The following HOMER1 variants were observed in gnomAD, a reference collection of about 807,000 sequenced individuals.
HOMER1 encodes the protein homer protein homolog 1.
Under a neutral mutation model 48.9 loss-of-function variants are expected in HOMER1, and 3 were observed. The ratio of observed to expected loss-of-function variants is 0.06; its 90% CI spans 0.03 to 0.16. The LOEUF is 0.16. Ranked by LOEUF, HOMER1 falls within the 10% of genes least tolerant of loss-of-function variation. HOMER1 has a pLI of 1.00. For synonymous variants in HOMER1, 134 were observed against 146.4 expected, an observed-to-expected ratio of 0.92 and a Z score of 0.61; for missense variants, 247 against 411.4, an observed-to-expected ratio of 0.60 and a Z score of 3.46.
At position 79,428,518 on chromosome 5, in the gene HOMER1, T is replaced by C. The variant is rs76666065; in HGVS notation, c.527+10492A>G. ...GTAAACTATCTTTATTTACAGATGATATAATTTTATATATAGAAAATCCTA... is the reference window on the plus strand; with the variant it reads ...GTAAACTATCTTTATTTACAGATGACATAATTTTATATATAGAAAATCCTA... On this transcript the variant is annotated intron_variant, in intron 5 of 8. Coordinates refer to ENST00000334082, the MANE Select transcript of HOMER1 (RefSeq NM_004272.5). Among the ~76,000 whole-genome samples, 544 of 152,206 alleles carry C rather than the reference T, an allele frequency of 3.6e-3. 1 individual carries two copies. The highest frequency in any genetic ancestry group is 0.02 in the Middle Eastern group (6 of 294).
intron 1 of HOMER1, among the ~76,000 whole-genome samples, chr5:79,481,201 C>G (rs903728997): frequency 2.0e-5 from 3 of 152,148 alleles, no homozygotes; most frequent in Non-Finnish European, 4.4e-5. Flanking sequence ...CCTCACGACA[C>G]GTGTCACAAT....
chr5:79,380,529 A>G (rs1748941360), intron 8 of HOMER1, among the ~76,000 whole-genome samples: 1 of 152,156 alleles, frequency 6.6e-6, no homozygotes, highest in Non-Finnish European at 1.5e-5. Context: ...CATTTCCCAC[A>G]CATCAGCCAA....
intron 5 of HOMER1, among the ~76,000 whole-genome samples, chr5:79,436,141 T>TAAATAAATAA (rs1309260403): frequency 2.1e-5 from 3 of 142,848 alleles, no homozygotes; most frequent in African/African-American, 7.7e-5. Context: ...TCAAAAAAAA[T>TAAATAAATAA]AAATAAATAA....
chr5:79,479,945 C>T (rs1387792435), intron 1 of HOMER1, among the ~76,000 whole-genome samples: 1 of 152,108 alleles, frequency 6.6e-6, no homozygotes, highest in Non-Finnish European at 1.5e-5. Flanking sequence ...TGGGTATCTT[C>T]GACTGCACTG....
At chr5:79,434,056 A>G (rs1750502658) in intron 5 of HOMER1, among the ~76,000 whole-genome samples, 1 of 152,176 alleles carries the variant, frequency 6.6e-6, no homozygotes, top group African/African-American at 2.4e-5. Context: ...CCAGTGTTTA[A>G]AAGAGCCCAT....
chr5:79,379,064 T>A (rs1488801573), intron 8 of HOMER1, among the ~76,000 whole-genome samples: 3 of 93,298 alleles, frequency 3.2e-5, no homozygotes, highest in African/African-American at 1.3e-4. Flanking sequence ...ACTTCTTAGG[T>A]GTCTACCTTT....
chr5:79,401,421 G>T (rs185417047), intron 6 of HOMER1, among the ~76,000 whole-genome samples: 46 of 152,256 alleles, frequency 3.0e-4, no homozygotes, highest in African/African-American at 1.0e-3. Context: ...ATAACCGGCA[G>T]AACTGGAATT....
chr5:79,467,560 T>C (rs1751506086), intron 1 of HOMER1, among the ~76,000 whole-genome samples: 1 of 152,130 alleles, frequency 6.6e-6, no homozygotes, highest in Admixed American at 6.5e-5. Context: ...AATATTCTAA[T>C]AAGTAAACTC....
At chr5:79,466,520 T>TAATA (rs1430751904) in intron 1 of HOMER1, among the ~76,000 whole-genome samples, 2 of 151,084 alleles carry the variant, frequency 1.3e-5, no homozygotes, top group African/African-American at 2.4e-5. Context: ...ATAATAATAA[T>TAATA]AATAAATAAA....
Position 79,500,518 on chromosome 5 carries a change from C to G in HOMER1, c.5+12252G>C, listed in dbSNP as rs1001271484. Reference sequence around the variant, plus strand: ...CTTTTAATGCAGATGCTTCTGTCACCACAGACGGCAAAACCAATCCCTCCT... The same window carrying G: ...CTTTTAATGCAGATGCTTCTGTCACGACAGACGGCAAAACCAATCCCTCCT... On this transcript the variant is annotated intron_variant, in intron 1 of 8. Coordinates refer to ENST00000334082, the MANE Select transcript of HOMER1 (RefSeq NM_004272.5). 6.6e-5 allele frequency among the ~76,000 whole-genome samples: 10 copies of G among 152,302 alleles called. No homozygotes were observed. In the East Asian group the frequency reaches 1.9e-3, roughly 29 times the overall value.
chr5:79,405,695 A>T (rs1968755), intron 5 of HOMER1, among the ~76,000 whole-genome samples: 72,077 of 152,158 alleles, frequency 0.47, 20,197 homozygotes, highest in African/African-American at 0.78. Flanking sequence ...AATCTGTGCA[A>T]GCTTAGTCAA....
chr5:79,497,010 A>G, intron 1 of HOMER1, among the ~76,000 whole-genome samples: 1 of 143,426 alleles, frequency 7.0e-6, no homozygotes. Flanking sequence ...CAGTGAGCTG[A>G]GATCATACCA....
chr5:79,499,327 A>T lies in HOMER1; in HGVS notation c.5+13443T>A, dbSNP rs536767624. Among the ~76,000 whole-genome samples the T allele has an allele frequency of 2.0e-5, 3 of 152,340 alleles. No homozygotes were observed. The East Asian group carries it at 5.8e-4, about 29-fold the overall frequency. Reference sequence around the variant, plus strand: ...AGCTGACTGATGGAATTTACATTTTAATATCAACTTTGAAAACTCTATACC... The same window carrying T: ...AGCTGACTGATGGAATTTACATTTTTATATCAACTTTGAAAACTCTATACC... On this transcript the variant is annotated intron_variant, in intron 1 of 8. Coordinates refer to ENST00000334082, the MANE Select transcript of HOMER1 (RefSeq NM_004272.5).
At chr5:79,392,954 G>GGGGA (rs758464934) in intron 8 of HOMER1, among the ~76,000 whole-genome samples, 3 of 140,880 alleles carry the variant, frequency 2.1e-5, no homozygotes, top group African/African-American at 8.1e-5. Context: ...GAAGGGAAAG[G>GGGGA]GAGAGAGAGA....
chr5:79,478,778 C>T (rs938505447), intron 1 of HOMER1, among the ~76,000 whole-genome samples: 28 of 152,190 alleles, frequency 1.8e-4, no homozygotes, highest in African/African-American at 6.5e-4. Context: ...ATGGTGAAAC[C>T]GTATCTCTAC....
intron 5 of HOMER1, among the ~76,000 whole-genome samples, chr5:79,405,440 C>T (rs926841781): frequency 9.9e-5 from 15 of 152,152 alleles, no homozygotes; most frequent in African/African-American, 2.9e-4. Flanking sequence ...TATCAATTTG[C>T]CCCATCTTCC....
intron 5 of HOMER1, among the ~76,000 whole-genome samples, chr5:79,429,742 G>A (rs539327312): frequency 1.3e-5 from 2 of 152,118 alleles, no homozygotes; most frequent in African/African-American, 4.8e-5. Context: ...TTAAAACATT[G>A]GCTGGGCGTG....
intron 8 of HOMER1, among the ~76,000 whole-genome samples, chr5:79,378,012 G>A (rs1748818689): frequency 6.6e-6 from 1 of 152,098 alleles, no homozygotes; most frequent in Non-Finnish European, 1.5e-5. Context: ...GAGGTCAGGA[G>A]GTCGAGACCA....
chr5:79,376,593 AG>A (rs1580407492), intron 8 of HOMER1, among the ~76,000 whole-genome samples: 1 of 152,338 alleles, frequency 6.6e-6, no homozygotes, highest in East Asian at 1.9e-4. Flanking sequence ...AGGCAGAGAA[AG>A]AAAAAGAAAT....
Sources: gnomAD v4.1 joint callset for allele counts (sites outside exome capture counted in the v4.1 genomes callset) on GRCh38, gnomAD v4.1.1 for gene constraint, MANE v1.5 for transcripts, NCBI Gene and HGNC (gene_info 2026-07-23, HGNC 2026-07-21) for gene names.